The following DHRS4L2 variants were observed in gnomAD, a reference collection of about 807,000 sequenced individuals.
The protein encoded by DHRS4L2 is dehydrogenase/reductase 4 like 2, also known as dehydrogenase/reductase SDR family member 4-like 2.
In DHRS4L2, 22 loss-of-function variants were observed where a neutral mutation model predicts 23.9. The ratio of observed to expected loss-of-function variants is 0.92; its 90% confidence interval spans 0.66 to 1.31. DHRS4L2 has a LOEUF of 1.31. Ranked by LOEUF, DHRS4L2 falls within the 40% of genes most tolerant of loss-of-function variation. DHRS4L2 has a pLI of 0.00. For missense variants in DHRS4L2, 385 were observed against 303.3 expected, an observed-to-expected ratio of 1.27 and a Z score of -2.00; for synonymous variants, 141 against 123.7, an observed-to-expected ratio of 1.14 and a Z score of -0.93.
intron 1 of DHRS4L2, among the ~76,000 whole-genome samples, chr14:23,981,642 G>C (rs1462578584): frequency 6.6e-6 from 1 of 151,532 alleles, no homozygotes; most frequent in Non-Finnish European, 1.5e-5. Flanking sequence ...ACCCACACTG[G>C]CACCAGTCTC....
At chr14:23,995,873 C>T (rs1311701435) in intron 3 of DHRS4L2, among the ~76,000 whole-genome samples, 1 of 151,718 alleles carries the variant, frequency 6.6e-6, no homozygotes, top group Non-Finnish European at 1.5e-5. Context: ...GCGTTTTACA[C>T]TGATGTTGTA....
upstream of DHRS4L2, chr14:23,988,727 A>G (rs1018853783): frequency 3.3e-4 from 439 of 1,325,230 alleles, 5 homozygotes; most frequent in South Asian, 1.5e-3. Flanking sequence ...TTGATCACTC[A>G]CCAGCCCGGG....
At chr14:23,989,244 G>A (rs2034215562) in intron 1 of DHRS4L2, among the ~76,000 whole-genome samples, 169 bp downstream of exon 1, 1 of 151,336 alleles carries the variant, frequency 6.6e-6, no homozygotes, top group South Asian at 2.1e-4. Flanking sequence ...GAATACCCTG[G>A]CCCTCCCTTG....
chr14:24,001,476 C>T lies in DHRS4L2; in HGVS notation c.624C>T (p.Asn208=), dbSNP rs1348391203. 2.4e-5 allele frequency: 39 copies of T among 1,602,488 alleles called. 2 individuals carry two copies. The highest frequency in any genetic ancestry group is 3.1e-5 in the Non-Finnish European group (37 of 1,177,540). ...TGGCCCCAAGGAACATTAGGGTGAA[C>T]TGCCTGCACCTGGACTTATCAAGAC... The part of the protein sequence containing the change: ...IELAPRNIRV[N]CLHLDLSRLA... The change falls in exon 6 of 8, where the codon AAC becomes AAT. Residue 208 remains asparagine, a synonymous_variant. Coordinates refer to ENST00000335125, the MANE Select transcript of DHRS4L2 (RefSeq NM_198083.4).
At chr14:23,983,053 CT>C (rs2034080856) in intron 1 of DHRS4L2, among the ~76,000 whole-genome samples, 1 of 151,612 alleles carries the variant, frequency 6.6e-6, no homozygotes, top group Non-Finnish European at 1.5e-5. Context: ...AACTAAAGAG[CT>C]TCAGCACAGC....
intron 5 of DHRS4L2, 140 bp downstream of exon 5, chr14:24,001,224 C>A: frequency 6.3e-7 from 1 of 1,580,002 alleles, no homozygotes; most frequent in Non-Finnish European, 8.6e-7. Context: ...GCCTTGCCTC[C>A]ACAAACCATA....
chr14:23,991,461 C>G (rs1353726197), intron 2 of DHRS4L2, among the ~76,000 whole-genome samples: 1 of 151,736 alleles, frequency 6.6e-6, no homozygotes, highest in African/African-American at 2.4e-5. Flanking sequence ...TGAAAATCCT[C>G]CTAGAAAAAC....
Position 23,990,937 on chromosome 14 carries a change from G to T in DHRS4L2, c.306+578G>T, listed in dbSNP as rs148439618. The stretch of plus-strand genomic sequence containing the variant: ...CCCAAGCTCCCTTCCTTTATTGGCT[G>T]CCTGTGGACTACCAGGTACTGGACT... On this transcript the variant is annotated intron_variant, in intron 2 of 7. Transcript: ENST00000335125. 2,538 of 856,878 alleles carry T rather than the reference G, an allele frequency of 3.0e-3. 94 individuals are homozygous for T. In the African/African-American group the frequency reaches 0.044, roughly 15 times the overall value. 53.1% of individuals were successfully genotyped at this position (856,878 alleles called of 1,614,324 possible).
chr14:23,987,303 T>G, upstream of DHRS4L2: 1 of 266,170 alleles, frequency 3.8e-6, no homozygotes, highest in Non-Finnish European at 7.6e-6. Flanking sequence ...GCTAATTTTT[T>G]GTATTTTTAG....
intron 2 of DHRS4L2, 143 bp from the exon 3 acceptor site, chr14:23,994,889 G>A (rs897134225): frequency 2.2e-6 from 2 of 913,920 alleles, no homozygotes; most frequent in South Asian, 1.6e-5. Context: ...GCTCAAGTGA[G>A]CCTCCCACCT....
intron 3 of DHRS4L2, among the ~76,000 whole-genome samples, chr14:23,996,371 A>C (rs1279980864): frequency 0.011 from 1,708 of 150,408 alleles, 1 homozygote; most frequent in African/African-American, 0.04. Context: ...ATACACATAA[A>C]GACCAAACTG....
intron 3 of DHRS4L2, among the ~76,000 whole-genome samples, chr14:23,996,355 T>G (rs1398122768): frequency 6.6e-6 from 1 of 151,470 alleles, no homozygotes; most frequent in African/African-American, 2.4e-5. Context: ...TATTTACCAG[T>G]GTTTCATACA....
rs372329309 is a variant in DHRS4L2 at position 24,001,034 on chromosome 14, G to C, written c.481G>C (p.Gly161Arg). 1 of 1,611,492 alleles carries C rather than the reference G, an allele frequency of 6.2e-7. No individual in the cohort carries two copies. Among genetic ancestry groups the C allele is most frequent in the Non-Finnish European group, 8.5e-7 (1 of 1,179,486 alleles). Reference sequence around the variant, plus strand: ...CGGTCAGCTCTCTTCTTTTTCCAGAGGCGGCTCAGTGGTGATCGTGTCTTC... The same window carrying C: ...CGGTCAGCTCTCTTCTTTTTCCAGACGCGGCTCAGTGGTGATCGTGTCTTC... The part of the protein sequence containing the change: ...AVVPEMEKRG[G>R]GSVVIVSSIA... Residue 161 changes from glycine (G) to arginine (R), a missense_variant and splice_region_variant, in exon 5 of 8, where the codon GGC becomes CGC. Gly to Arg is a moderately radical substitution (Grantham distance 125). Coordinates refer to ENST00000335125, the MANE Select transcript of DHRS4L2 (RefSeq NM_198083.4).
At chr14:23,988,806 GC>G, upstream of DHRS4L2, 1 of 1,399,996 alleles carries the variant, frequency 7.1e-7, no homozygotes, top group Non-Finnish European at 9.3e-7. Flanking sequence ...GGCGGGAGGC[GC>G]CAACCGCCAC....
chr14:23,975,466 C>T lies in DHRS4L2; in HGVS notation c.-176+5134C>T, dbSNP rs112410223. 4.6e-5 allele frequency among the ~76,000 whole-genome samples: 7 copies of T among 151,716 alleles called. No homozygotes were observed. In the South Asian group the frequency reaches 6.2e-4, roughly 14 times the overall value. ...AAATGGAAGAATATTGCATGCTCAT[C>T]GATAGGAAGACTCAATATCATGAAA... On this transcript the variant is annotated intron_variant, in intron 1 of 5. Coordinates refer to the DHRS4L2 transcript ENST00000534993.
intron 1 of DHRS4L2, among the ~76,000 whole-genome samples, chr14:23,974,530 G>C (rs185903642): frequency 6.6e-6 from 1 of 151,344 alleles, no homozygotes; most frequent in African/African-American, 2.4e-5. Flanking sequence ...AAAGAGAGAA[G>C]AGTCAAATAG....
chr14:23,970,335 A>T (rs755448390), intron 1 of DHRS4L2: 47 of 417,550 alleles, frequency 1.1e-4, no homozygotes, highest in Non-Finnish European at 1.8e-4. Flanking sequence ...CTTGACAGGT[A>T]GGGTGGAGAG....
At position 23,978,838 on chromosome 14, in the gene DHRS4L2, AACCAT is replaced by A. The variant is rs1431758280; in HGVS notation, c.-176+8511_-176+8515del. ...GATCAACCAGTACCAGCCACTGCAA[AACCAT>A]ACCAAATTGTCAAGACTATTGACAC... is the stretch of plus-strand genomic sequence containing the variant. On this transcript the variant is annotated intron_variant, in intron 1 of 5. Coordinates refer to the DHRS4L2 transcript ENST00000534993. Among the ~76,000 whole-genome samples, 6 of 138,304 alleles carry A rather than the reference AACCAT, an allele frequency of 4.3e-5. 2 individuals carry two copies. The allele number at this position is 138,304 out of a possible 152,430, so 90.7% of individuals were successfully genotyped here.
intron 2 of DHRS4L2, chr14:23,990,882 C>T (rs2034255185): frequency 2.9e-6 from 2 of 678,258 alleles, no homozygotes; most frequent in Non-Finnish European, 3.6e-6. Context: ...TTCCCAAGGT[C>T]CCACAGCCAG....
Sources: gnomAD v4.1 joint callset for allele counts (sites outside exome capture counted in the v4.1 genomes callset) on GRCh38, gnomAD v4.1.1 for gene constraint, MANE v1.5 for transcripts, NCBI Gene and HGNC (gene_info 2026-07-23, HGNC 2026-07-21) for gene names.